The following CD58 variants were observed in gnomAD, a reference collection of about 807,000 sequenced individuals.
CD58 encodes the protein lymphocyte function-associated antigen 3.
A neutral mutation model predicts 27.6 loss-of-function variants in CD58; 14 were observed. The ratio of observed to expected loss-of-function variants is 0.51; its 90% confidence interval spans 0.34 to 0.79. The LOEUF is 0.79. Among genes scored for constraint, CD58 ranks in the 30% least tolerant of loss-of-function variants. The pLI is 0.02. For missense variants in CD58, 268 were observed against 301.7 expected (o/e 0.89, Z 0.83); for synonymous variants, 117 against 103.8 (o/e 1.13, Z -0.77).
chr1:116,514,848 C>T lies in CD58; in HGVS notation c.744-26G>A, dbSNP rs764302227. 4 of 1,537,810 alleles carry T rather than the reference C, an allele frequency of 2.6e-6. No individual in the cohort carries two copies. In the East Asian group the frequency reaches 9.0e-5, roughly 35 times the overall value. ...CTACAAAAAAAAATCATATTATTAACTTGTAAAATGCAGTAAATCTGGGCT... is the reference window on the plus strand; with the variant it reads ...CTACAAAAAAAAATCATATTATTAATTTGTAAAATGCAGTAAATCTGGGCT... On this transcript the variant is annotated intron_variant, in intron 5 of 5. Coordinates refer to ENST00000369489, the MANE Select transcript of CD58 (RefSeq NM_001779.3).
chr1:116,568,754 C>T (rs573848471), intron 1 of CD58, among the ~76,000 whole-genome samples: 4 of 152,208 alleles, frequency 2.6e-5, no homozygotes, highest in African/African-American at 9.7e-5. Flanking sequence ...GAGTGGTACT[C>T]TCTTCAAAAG....
At position 116,544,531 on chromosome 1, in the gene CD58, A is replaced by G; in HGVS notation, c.144T>C (p.Asn48=). ...TCCATAGGACCTCTTTTAAAGGCAC[A>G]TTGCTTGGTACATGGAAAGTTACAT... ...YGNVTFHVPS[N]VPLKEVLWKK... The change falls in exon 2 of 6, where the codon AAT becomes AAC. Residue 48 remains asparagine, a synonymous_variant. Coordinates refer to ENST00000369489, the MANE Select transcript of CD58 (RefSeq NM_001779.3). 6.2e-7 allele frequency: 1 copy of G among 1,613,580 alleles called. No homozygotes were observed. Among genetic ancestry groups the G allele is most frequent in the Non-Finnish European group, 8.5e-7 (1 of 1,179,530 alleles).
chr1:116,529,334 A>T (rs1425004075), intron 3 of CD58, among the ~76,000 whole-genome samples: 1 of 152,248 alleles, frequency 6.6e-6, no homozygotes, highest in Admixed American at 6.5e-5. Flanking sequence ...TAAGGAGATA[A>T]GGAGGAGCAA....
Position 116,521,956 on chromosome 1 carries a change from A to G in CD58, c.656T>C (p.Ile219Thr), listed in dbSNP as rs1364193030. The change falls in exon 4 of 6, where the codon ATA (isoleucine) becomes ACA (threonine). Residue 219 changes from isoleucine to threonine, a missense_variant. Physicochemically the swap from Ile to Thr is moderately conservative, Grantham distance 89. Coordinates refer to ENST00000369489, the MANE Select transcript of CD58 (RefSeq NM_001779.3). This position sits in a 1 kb window ranked among gnomAD's most constrained non-coding sequence, Gnocchi z 5.6. ...TGTAATTACTGCTAATGGTATGGGTATAAGTGCATATCTGTGTCTTGAATG... is the reference window on the plus strand; with the variant it reads ...TGTAATTACTGCTAATGGTATGGGTGTAAGTGCATATCTGTGTCTTGAATG... ...SGHSRHRYAL[I>T]PIPLAVITTC... 3 of 1,580,006 alleles carry G rather than the reference A, an allele frequency of 1.9e-6. No homozygotes were observed. Among genetic ancestry groups the G allele is most frequent in the African/African-American group, 2.7e-5 (2 of 74,304 alleles).
At position 116,566,172 on chromosome 1, in the gene CD58, A is replaced by G. The variant is rs185382248; in HGVS notation, c.70+4731T>C. ...GGAGACTGTAATGAAAAATAAAAGGAACTGTAAAGAAATCTTTAACTGTAT... is the reference window on the plus strand; with the variant it reads ...GGAGACTGTAATGAAAAATAAAAGGGACTGTAAAGAAATCTTTAACTGTAT... On this transcript the variant is annotated intron_variant, in intron 1 of 5. Transcript: ENST00000369489. Among the ~76,000 whole-genome samples, 273 of 152,350 alleles carry G rather than the reference A, an allele frequency of 1.8e-3. 1 individual carries two copies. Among genetic ancestry groups the G allele is most frequent in the Admixed American group, 2.2e-3 (33 of 15,308 alleles).
rs1018646738 is a variant in CD58, at chr1:116,524,387, C to T, written c.629-2404G>A. On this transcript the variant is annotated intron_variant, in intron 3 of 5. Transcript: ENST00000369489. The surrounding 1 kb of genome is among the most constrained non-coding windows in gnomAD (Gnocchi z 4.6). ...AAGAAGCATGCAAATTGCTACAGGA[C>T]TGGCTCTTGTTTCTAGAACATTTCA... 6.6e-6 allele frequency among the ~76,000 whole-genome samples: 1 copy of T among 152,184 alleles called. No homozygotes were observed.
In CD58 at chr1:116,544,319, TAAAG is replaced by T; in HGVS notation, c.352_355del (p.Leu118MetfsTer11). 1 of 1,597,592 alleles carries T rather than the reference TAAAG, an allele frequency of 6.3e-7. No individual in the cohort carries two copies. Among genetic ancestry groups the T allele is most frequent in the Non-Finnish European group, 8.5e-7 (1 of 1,173,904 alleles). On this transcript the variant is annotated frameshift_variant, in exon 2 of 6. Coordinates refer to ENST00000369489, the MANE Select transcript of CD58 (RefSeq NM_001779.3). LOFTEE classifies it high-confidence loss of function. ...ACTTATGGAATACTCACCAAGCACA[TAAAG>T]AAAGAACTTCATGGTATCAGTAATA...
rs1571062332 is a variant in CD58, at chr1:116,527,512, C to T, written c.629-5529G>A. ...TTTCATATGTTGAACCTGCCTTGCA[C>T]ACCTGAGATAAATACCACTTAGTCA... On this transcript the variant is annotated intron_variant, in intron 3 of 5. Coordinates refer to ENST00000369489, the MANE Select transcript of CD58 (RefSeq NM_001779.3). This position sits in a 1 kb window ranked among gnomAD's most constrained non-coding sequence, Gnocchi z 4.4. 6.6e-6 allele frequency among the ~76,000 whole-genome samples: 1 copy of T among 152,162 alleles called. No homozygotes were observed. Among genetic ancestry groups the T allele is most frequent in the South Asian group, 2.1e-4 (1 of 4,828 alleles).
chr1:116,526,343 C>T (rs185889343), intron 3 of CD58, among the ~76,000 whole-genome samples: 1 of 152,138 alleles, frequency 6.6e-6, no homozygotes, highest in East Asian at 1.9e-4. Flanking sequence ...GATCTATGGT[C>T]CATTTTGAGT....
At chr1:116,535,570 G>A (rs531623877) in intron 3 of CD58, among the ~76,000 whole-genome samples, 3 of 98,186 alleles carry the variant, frequency 3.1e-5, no homozygotes, top group African/African-American at 5.1e-5. Flanking sequence ...GGCCGGGCGC[G>A]GTGGCTCACG....
intron 1 of CD58, among the ~76,000 whole-genome samples, chr1:116,562,564 T>C (rs1658790602): frequency 6.6e-6 from 1 of 152,164 alleles, no homozygotes; most frequent in Non-Finnish European, 1.5e-5. Context: ...GGGTAATTTA[T>C]CAAGGAAAGA....
In CD58 at chr1:116,524,558, A is replaced by G. The variant is rs1657371936; in HGVS notation, c.629-2575T>C. On this transcript the variant is annotated intron_variant, in intron 3 of 5. Coordinates refer to ENST00000369489, the MANE Select transcript of CD58 (RefSeq NM_001779.3). The surrounding 1 kb of genome is among the most constrained non-coding windows in gnomAD (Gnocchi z 4.6). ...GCAATTTCATATGGTTCAAATTAATACCTTTAAATAAATCCAGGGCTACAA... is the reference window on the plus strand; with the variant it reads ...GCAATTTCATATGGTTCAAATTAATGCCTTTAAATAAATCCAGGGCTACAA... 6.6e-6 allele frequency among the ~76,000 whole-genome samples: 1 copy of G among 152,218 alleles called. No homozygotes were observed. The highest frequency in any genetic ancestry group is 6.5e-5 in the Admixed American group (1 of 15,276).
chr1:116,561,660 T>C (rs377282614), intron 1 of CD58, among the ~76,000 whole-genome samples: 1 of 152,310 alleles, frequency 6.6e-6, no homozygotes. Context: ...AAATCAGTAG[T>C]ACTCATCTTC....
At position 116,569,661 on chromosome 1, in the gene CD58, GCA is replaced by G. The variant is rs949527155; in HGVS notation, c.70+1240_70+1241del. On this transcript the variant is annotated intron_variant, in intron 1 of 5. Transcript: ENST00000369489. ...CTGTCACCCAGGCTGGAGTTCAGTG[GCA>G]CAATCACAGCTCACTGCATCCTCTG... is the stretch of plus-strand genomic sequence containing the variant. Among the ~76,000 whole-genome samples the G allele has an allele frequency of 6.7e-5, 10 of 149,132 alleles. 1 individual carries two copies. The highest frequency in any genetic ancestry group is 5.3e-4 in the Admixed American group (8 of 15,016).
At chr1:116,551,937 G>A (rs1180355750) in intron 1 of CD58, among the ~76,000 whole-genome samples, 6 of 151,796 alleles carry the variant, frequency 4.0e-5, no homozygotes, top group African/African-American at 9.7e-5. Flanking sequence ...ACGGGGTTTC[G>A]CCATGTTGGC....
At chr1:116,533,524 T>C (rs1657687504) in intron 3 of CD58, 1 of 728,212 alleles carries the variant, frequency 1.4e-6, no homozygotes, top group Non-Finnish European at 2.6e-6. Flanking sequence ...TTTAATATCC[T>C]GCAGGTATTT....
At chr1:116,561,449 C>G (rs1335552180) in intron 1 of CD58, among the ~76,000 whole-genome samples, 1 of 151,964 alleles carries the variant, frequency 6.6e-6, no homozygotes, top group African/African-American at 2.4e-5. Flanking sequence ...ATGTGGGTAC[C>G]TAGAGAATGT....
chr1:116,514,947 G>C (rs1201398568), intron 5 of CD58, 125 bp from the exon 6 acceptor site: 11 of 622,400 alleles, frequency 1.8e-5, no homozygotes, highest in Non-Finnish European at 3.1e-5. Flanking sequence ...TCAAAGCCAA[G>C]GGAGCTAGGG....
intron 1 of CD58, among the ~76,000 whole-genome samples, chr1:116,566,528 C>G (rs1658941464): frequency 6.6e-6 from 1 of 152,304 alleles, no homozygotes; most frequent in African/African-American, 2.4e-5. Flanking sequence ...CTAAAAGAAA[C>G]CAGGGAACCT....
Sources: allele counts gnomAD v4.1 joint callset (sites outside exome capture counted in the v4.1 genomes callset), GRCh38; gene constraint gnomAD v4.1.1; non-coding constraint Gnocchi (gnomAD v3.1); transcripts MANE v1.5; gene names NCBI Gene and HGNC (gene_info 2026-07-23, HGNC 2026-07-21).